The following KLF8 variants were observed in gnomAD, a reference collection of about 807,000 sequenced individuals.
KLF8 encodes Krueppel-like factor 8.
A neutral mutation model predicts 18.2 loss-of-function variants in KLF8; 10 were observed. The observed-to-expected ratio is 0.55, with a 90% CI of 0.34 to 0.93. The LOEUF (loss-of-function observed/expected upper bound fraction) is 0.93, where lower values mean the gene tolerates loss of function less well. Among genes scored for constraint, KLF8 ranks in the 40% least tolerant of loss-of-function variants. KLF8 has a pLI of 0.02. For synonymous variants in KLF8, 109 were observed against 97.3 expected (o/e 1.12, Z -0.71); for missense variants, 264 against 277.9 (o/e 0.95, Z 0.36).
chrX:55,952,500 T>C, the KLF8 span, among the ~76,000 whole-genome samples: 326 of 112,190 alleles, frequency 2.9e-3, no homozygotes, highest in African/African-American at 1.0e-2. Context: ...AGGCTACTCA[T>C]GTTCCTTGGC....
chrX:56,053,124 G>T, the KLF8 span, among the ~76,000 whole-genome samples: 13 of 112,014 alleles, frequency 1.2e-4, no homozygotes, highest in African/African-American at 3.9e-4. Flanking sequence ...CCCTGCTTCG[G>T]CTTGCGCACG....
the KLF8 span, among the ~76,000 whole-genome samples, chrX:56,183,298 C>T: frequency 1.8e-5 from 2 of 112,284 alleles, no homozygotes; most frequent in Non-Finnish European, 3.8e-5. Flanking sequence ...CCTGGTTCCC[C>T]ATTTACTAAG....
At chrX:56,089,438 C>T in the KLF8 span, among the ~76,000 whole-genome samples, 2 of 111,977 alleles carry the variant, frequency 1.8e-5, no homozygotes, top group Non-Finnish European at 3.8e-5. Flanking sequence ...ACCCCCACAC[C>T]TTATGTATGA....
chrX:56,019,364 T>C, the KLF8 span, among the ~76,000 whole-genome samples: 3 of 112,462 alleles, frequency 2.7e-5, no homozygotes, highest in African/African-American at 9.7e-5. Flanking sequence ...TTTTAGAATC[T>C]TCCTTTCAGA....
chrX:55,941,405 A>G, the KLF8 span, among the ~76,000 whole-genome samples: 1 of 111,821 alleles, frequency 8.9e-6, no homozygotes, highest in African/African-American at 3.2e-5. Flanking sequence ...TAGACCTAAA[A>G]CCATAAAAAC....
chrX:56,004,331 G>T, the KLF8 span, among the ~76,000 whole-genome samples: 1 of 111,766 alleles, frequency 8.9e-6, no homozygotes, highest in South Asian at 3.7e-4. Context: ...TATCAGTCAG[G>T]GTTCCAGAAG....
chrX:56,150,778 CT>C, the KLF8 span, among the ~76,000 whole-genome samples: 50 of 111,646 alleles, frequency 4.5e-4, no homozygotes, highest in East Asian at 0.012. Flanking sequence ...CATCTAAAGA[CT>C]TGACTAGGAT....
At chrX:56,012,047 C>A in the KLF8 span, among the ~76,000 whole-genome samples, 2 of 111,872 alleles carry the variant, frequency 1.8e-5, no homozygotes, top group Non-Finnish European at 3.8e-5. Context: ...GGTACCGTTT[C>A]TTCTGAAATT....
chrX:56,052,174 A>T, the KLF8 span, among the ~76,000 whole-genome samples: 1 of 109,897 alleles, frequency 9.1e-6, no homozygotes, highest in African/African-American at 3.3e-5. Context: ...ATTCTTCTAA[A>T]TTTTTTTCAA....
At chrX:55,997,609 C>T in the KLF8 span, among the ~76,000 whole-genome samples, 1 of 111,752 alleles carries the variant, frequency 8.9e-6, no homozygotes, top group Non-Finnish European at 1.9e-5. Context: ...ACTCTCAATA[C>T]CTTTCTTCTG....
At chrX:56,248,941 A>T (rs948936378) in intron 1 of KLF8, among the ~76,000 whole-genome samples, 2 of 111,477 alleles carry the variant, frequency 1.8e-5, no homozygotes, top group African/African-American at 6.5e-5. Flanking sequence ...GTCATCAAAA[A>T]CCTTCGAAAA....
At chrX:56,177,077 C>T in the KLF8 span, among the ~76,000 whole-genome samples, 2 of 111,083 alleles carry the variant, frequency 1.8e-5, no homozygotes, top group South Asian at 7.6e-4. Context: ...GTAGTTTGAT[C>T]GTCTGAAGCC....
chrX:56,100,792 A>G, the KLF8 span, among the ~76,000 whole-genome samples: 1 of 112,184 alleles, frequency 8.9e-6, no homozygotes, highest in South Asian at 3.7e-4. Flanking sequence ...TAAAACTTGA[A>G]TGGATGAGGA....
At chrX:56,269,147 C>G (rs1407645077) in intron 3 of KLF8, 29 of 978,426 alleles carry the variant, frequency 3.0e-5, no homozygotes, top group Admixed American at 4.9e-5. Context: ...TATCAGAACT[C>G]TTCATACTAC....
At chrX:56,060,222 G>T in the KLF8 span, among the ~76,000 whole-genome samples, 1 of 111,730 alleles carries the variant, frequency 9.0e-6, no homozygotes, top group African/African-American at 3.3e-5. Flanking sequence ...TCAATAATAT[G>T]TTGAATCAGA....
the KLF8 span, among the ~76,000 whole-genome samples, chrX:55,910,155 G>A: frequency 2.7e-5 from 3 of 111,653 alleles, no homozygotes; most frequent in Non-Finnish European, 5.6e-5. Flanking sequence ...AGCGGTCCAG[G>A]GTAGGGAACT....
the KLF8 span, among the ~76,000 whole-genome samples, chrX:55,918,436 A>G: frequency 8.9e-6 from 1 of 112,588 alleles, no homozygotes; most frequent in Admixed American, 9.4e-5. Context: ...ATGCAAACTC[A>G]TAAAGATATA....
At chrX:56,120,962 A>G in the KLF8 span, among the ~76,000 whole-genome samples, 12 of 111,087 alleles carry the variant, frequency 1.1e-4, no homozygotes, top group South Asian at 1.5e-3. Context: ...CAAGGTGGGC[A>G]GATCACGAGG....
chrX:56,105,541 T>C, the KLF8 span, among the ~76,000 whole-genome samples: 1 of 110,401 alleles, frequency 9.1e-6, no homozygotes, highest in African/African-American at 3.3e-5. Flanking sequence ...CTGCTTTTTT[T>C]TTTTTCTTTC....
Sources: gnomAD v4.1 joint callset for allele counts (sites outside exome capture counted in the v4.1 genomes callset) on GRCh38, gnomAD v4.1.1 for gene constraint, MANE v1.5 for transcripts, NCBI Gene and HGNC (gene_info 2026-07-23, HGNC 2026-07-21) for gene names.